The following ADARB2 variants were observed in gnomAD, a reference collection of about 807,000 sequenced individuals.
ADARB2 encodes adenosine deaminase RNA specific B2 (inactive).
A neutral mutation model predicts 62.2 loss-of-function variants in ADARB2; 25 were observed. The ratio of observed to expected loss-of-function variants is 0.40; its 90% CI spans 0.29 to 0.56. The LOEUF (loss-of-function observed/expected upper bound fraction) is 0.56, where lower values mean the gene tolerates loss of function less well. Ranked by LOEUF, ADARB2 falls within the 20% of genes least tolerant of loss-of-function variation. The pLI is 0.43. For missense variants in ADARB2, 1,071 were observed against 1,077.4 expected, an observed-to-expected ratio of 0.99 and a Z score of 0.08; for synonymous variants, 572 against 500.8, an observed-to-expected ratio of 1.14 and a Z score of -1.90.
chr10:1,459,710 C>T (rs531511812), intron 1 of ADARB2, among the ~76,000 whole-genome samples: 15 of 152,170 alleles, frequency 9.9e-5, no homozygotes, highest in African/African-American at 2.4e-4. Context: ...TGCACTGAGC[C>T]GGATTGGGCC....
rs2676722 is a variant in ADARB2, at chr10:1,582,257, C to A, written c.100+154794G>T. Among the ~76,000 whole-genome samples, 952 of 152,236 alleles carry A rather than the reference C, an allele frequency of 6.3e-3. 8 individuals are homozygous for A. The highest frequency in any genetic ancestry group is 0.022 in the African/African-American group (920 of 41,536). Reference sequence around the variant, plus strand: ...CTACTTCGGCAGCAGTGGGAAGTGACGTGACCCTGCGTTACCTGCTGGTGG... The same window carrying A: ...CTACTTCGGCAGCAGTGGGAAGTGAAGTGACCCTGCGTTACCTGCTGGTGG... On this transcript the variant is annotated intron_variant, in intron 1 of 9. Transcript: ENST00000381312.
intron 1 of ADARB2, among the ~76,000 whole-genome samples, chr10:1,413,307 A>G (rs1832774440): frequency 6.6e-6 from 1 of 152,184 alleles, no homozygotes. Context: ...CGACACTGAC[A>G]CAGCACTGGG....
chr10:1,240,672 G>T (rs934052156), intron 5 of ADARB2: 3 of 152,198 alleles, frequency 2.0e-5, no homozygotes, highest in Non-Finnish European at 4.4e-5. Context: ...CCCCTGTGCT[G>T]GTTCCCCATG....
chr10:1,509,938 T>A (rs1271855708), intron 1 of ADARB2, among the ~76,000 whole-genome samples: 21 of 152,220 alleles, frequency 1.4e-4, no homozygotes, highest in Non-Finnish European at 5.9e-5. Flanking sequence ...CTTTAATGCT[T>A]GCATTGCTTC....
Position 1,532,824 on chromosome 10 carries a change from C to T in ADARB2, c.101-153664G>A, listed in dbSNP as rs373064119. Among the ~76,000 whole-genome samples, 181 of 152,244 alleles carry T rather than the reference C, an allele frequency of 1.2e-3. 1 individual carries two copies. The highest frequency in any genetic ancestry group is 3.4e-3 in the Middle Eastern group (1 of 294). On this transcript the variant is annotated intron_variant, in intron 1 of 9. Transcript: ENST00000381312. Reference sequence around the variant, plus strand: ...GCAGGAGCCTGAATGTGCAGGTGCCCGCAGGCGAGGTGGAGAATGGGCGCT... The same window carrying T: ...GCAGGAGCCTGAATGTGCAGGTGCCTGCAGGCGAGGTGGAGAATGGGCGCT...
intron 1 of ADARB2, among the ~76,000 whole-genome samples, chr10:1,726,390 T>A (rs1321106265): frequency 1.3e-5 from 2 of 152,098 alleles, no homozygotes; most frequent in Non-Finnish European, 2.9e-5. Context: ...ACATGCTGTC[T>A]ACATAGAAAC....
At chr10:1,493,832 C>A (rs1448693017) in intron 1 of ADARB2, among the ~76,000 whole-genome samples, 2 of 142,860 alleles carry the variant, frequency 1.4e-5, no homozygotes, top group Admixed American at 7.4e-5. Flanking sequence ...GATCTCAGCT[C>A]ACTGCAACCT....
intron 7 of ADARB2, among the ~76,000 whole-genome samples, chr10:1,206,747 G>A (rs963754293): frequency 6.6e-6 from 1 of 152,188 alleles, no homozygotes; most frequent in Non-Finnish European, 1.5e-5. Flanking sequence ...CACTGTCTGC[G>A]TCGTTGCTGA....
chr10:1,736,596 G>C (rs777053385), intron 1 of ADARB2, among the ~76,000 whole-genome samples: 5 of 152,240 alleles, frequency 3.3e-5, no homozygotes, highest in Admixed American at 3.3e-4. Flanking sequence ...AGAGGCGATC[G>C]CAGGGCTTCG....
chr10:1,217,923 C>G (rs1049549252), intron 6 of ADARB2, among the ~76,000 whole-genome samples: 1 of 152,120 alleles, frequency 6.6e-6, no homozygotes, highest in African/African-American at 2.4e-5. Flanking sequence ...TCTGTGTTCT[C>G]CTTTCTAGGG....
At chr10:1,563,357 C>A (rs114908311) in intron 1 of ADARB2, among the ~76,000 whole-genome samples, 3 of 152,280 alleles carry the variant, frequency 2.0e-5, no homozygotes, top group East Asian at 3.9e-4. Context: ...ATGGTGAGAA[C>A]GTGGTTGCTC....
At chr10:1,600,830 T>C (rs1833402782) in intron 1 of ADARB2, among the ~76,000 whole-genome samples, 1 of 152,180 alleles carries the variant, frequency 6.6e-6, no homozygotes, top group South Asian at 2.1e-4. Context: ...TATGATTCTC[T>C]GAGGCCCCTG....
chr10:1,626,830 A>C (rs1359841404), intron 1 of ADARB2, among the ~76,000 whole-genome samples: 2 of 152,204 alleles, frequency 1.3e-5, no homozygotes, highest in Non-Finnish European at 2.9e-5. Context: ...ATATATTTAA[A>C]AAATGCAAAA....
chr10:1,660,384 G>A (rs922501241), intron 1 of ADARB2, among the ~76,000 whole-genome samples: 2 of 152,210 alleles, frequency 1.3e-5, no homozygotes, highest in African/African-American at 2.4e-5. Context: ...AAGCAAAGTC[G>A]GTCGTAAGGT....
chr10:1,203,555 A>G (rs923240522), intron 7 of ADARB2, among the ~76,000 whole-genome samples: 13 of 152,296 alleles, frequency 8.5e-5, no homozygotes, highest in African/African-American at 2.9e-4. Context: ...GCTGGCTGTC[A>G]GGCCTGCTGC....
At chr10:1,714,955 A>G (rs893999935) in intron 1 of ADARB2, among the ~76,000 whole-genome samples, 1 of 151,468 alleles carries the variant, frequency 6.6e-6, no homozygotes, top group African/African-American at 2.4e-5. Flanking sequence ...GCACCCATTA[A>G]CTGGTCATTT....
chr10:1,702,989 G>T (rs549623363), intron 1 of ADARB2, among the ~76,000 whole-genome samples: 1 of 152,292 alleles, frequency 6.6e-6, no homozygotes, highest in East Asian at 1.9e-4. Context: ...AGAAGTTTCT[G>T]CAATGAATCT....
intron 1 of ADARB2, among the ~76,000 whole-genome samples, chr10:1,407,142 C>T (rs978534957): frequency 1.3e-5 from 2 of 152,184 alleles, no homozygotes; most frequent in African/African-American, 2.4e-5. Flanking sequence ...CCTCTGATGG[C>T]TCCCTGGTTC....
At chr10:1,204,311 C>T (rs1030529023) in intron 7 of ADARB2, among the ~76,000 whole-genome samples, 8 of 152,208 alleles carry the variant, frequency 5.3e-5, no homozygotes, top group Non-Finnish European at 1.2e-4. Flanking sequence ...ATTCACCCAG[C>T]ATCTGCATTC....
Sources: allele counts gnomAD v4.1 joint callset (sites outside exome capture counted in the v4.1 genomes callset), GRCh38; gene constraint gnomAD v4.1.1; transcripts MANE v1.5; gene names NCBI Gene and HGNC (gene_info 2026-07-23, HGNC 2026-07-21).